Variants in ADK observed in about 807,000 individuals in gnomAD.
The protein encoded by ADK is N6,N6-dimethyladenosine kinase.
A neutral mutation model predicts 44.7 loss-of-function variants in ADK; 24 were observed. The observed-to-expected ratio is 0.54, with a 90% CI of 0.39 to 0.76. The LOEUF (loss-of-function observed/expected upper bound fraction) is 0.76, where lower values mean the gene tolerates loss of function less well. Among genes scored for constraint, ADK ranks in the 30% least tolerant of loss-of-function variants. The pLI is 0.00. For synonymous variants in ADK, 128 were observed against 142.6 expected, an observed-to-expected ratio of 0.90 and a Z score of 0.73; for missense variants, 321 against 425.1, an observed-to-expected ratio of 0.76 and a Z score of 2.15.
rs866712291 is a variant in ADK, at chr10:74,230,944, A to G, written c.194+6353A>G. Reference sequence around the variant, plus strand: ...TGATCCGCCTGCCTCAGCCTCCCAAAGTGCTGGGATTATAGGCGTGAGCCA... The same window carrying G: ...TGATCCGCCTGCCTCAGCCTCCCAAGGTGCTGGGATTATAGGCGTGAGCCA... On this transcript the variant is annotated intron_variant, in intron 3 of 10. Transcript: ENST00000539909. Among the ~76,000 whole-genome samples the G allele has an allele frequency of 8.3e-4, 126 of 152,166 alleles. No homozygotes were observed. In the Middle Eastern group the frequency reaches 0.017, roughly 21 times the overall value.
chr10:74,337,522 T>A (rs1337504980), intron 4 of ADK, among the ~76,000 whole-genome samples: 1 of 152,236 alleles, frequency 6.6e-6, no homozygotes, highest in Non-Finnish European at 1.5e-5. Flanking sequence ...TGACATTATC[T>A]GACTCATGCC....
intron 9 of ADK, among the ~76,000 whole-genome samples, chr10:74,612,450 A>G (rs1375202072): frequency 1.3e-5 from 2 of 152,042 alleles, no homozygotes; most frequent in Admixed American, 6.6e-5. Context: ...GCATTTGTTC[A>G]TGTCCCTTGC....
chr10:74,496,946 A>G (rs990827462), intron 6 of ADK, among the ~76,000 whole-genome samples: 6 of 151,532 alleles, frequency 4.0e-5, no homozygotes, highest in Admixed American at 3.3e-4. Flanking sequence ...TCCAAACAGA[A>G]CCTATTCTGT....
intron 1 of ADK, among the ~76,000 whole-genome samples, chr10:74,180,680 G>A (rs1390825456): frequency 6.6e-6 from 1 of 151,922 alleles, no homozygotes; most frequent in Non-Finnish European, 1.5e-5. Flanking sequence ...GGATGGTCTC[G>A]ATCTCCTGAC....
intron 7 of ADK, among the ~76,000 whole-genome samples, chr10:74,588,135 T>C (rs972749280): frequency 1.3e-5 from 2 of 152,160 alleles, no homozygotes. Flanking sequence ...TGTTAACATT[T>C]TGCCACTTTT....
intron 6 of ADK, among the ~76,000 whole-genome samples, chr10:74,428,014 T>C (rs1472784192): frequency 2.6e-5 from 4 of 152,102 alleles, no homozygotes; most frequent in Non-Finnish European, 5.9e-5. Context: ...TAGCTTCTGG[T>C]GGTTGTGCAT....
intron 6 of ADK, among the ~76,000 whole-genome samples, chr10:74,426,620 G>A (rs1361431286): frequency 1.3e-5 from 2 of 152,158 alleles, no homozygotes; most frequent in African/African-American, 2.4e-5. Context: ...TGAGGTGGAA[G>A]GGATGTGGGA....
At chr10:74,376,178 G>A (rs1056945425) in intron 4 of ADK, among the ~76,000 whole-genome samples, 1 of 151,986 alleles carries the variant, frequency 6.6e-6, no homozygotes, top group Admixed American at 6.6e-5. Context: ...ATACCTGGTA[G>A]TAAACTGCTC....
intron 6 of ADK, among the ~76,000 whole-genome samples, chr10:74,524,987 C>A (rs1848982222): frequency 1.3e-5 from 2 of 152,084 alleles, no homozygotes; most frequent in Admixed American, 1.3e-4. Context: ...AACATTTTTT[C>A]TTTCATGAAT....
At chr10:74,283,668 CTT>C (rs1474283592) in intron 3 of ADK, among the ~76,000 whole-genome samples, 2 of 131,618 alleles carry the variant, frequency 1.5e-5, no homozygotes, top group East Asian at 2.2e-4. Flanking sequence ...GAGTTTCGCT[CTT>C]GTTTTCTTTC....
At chr10:74,623,587 T>C (rs1853076452) in intron 9 of ADK, among the ~76,000 whole-genome samples, 1 of 152,090 alleles carries the variant, frequency 6.6e-6, no homozygotes, top group Admixed American at 6.6e-5. Context: ...TGGTGTAGAA[T>C]TGTGCGTGCA....
chr10:74,424,248 A>C (rs1166096597), intron 6 of ADK, among the ~76,000 whole-genome samples: 1 of 152,168 alleles, frequency 6.6e-6, no homozygotes, highest in Non-Finnish European at 1.5e-5. Context: ...GTCTAAAGAA[A>C]TAAAATATGG....
intron 4 of ADK, among the ~76,000 whole-genome samples, chr10:74,392,085 C>A (rs1305227093): frequency 6.6e-6 from 1 of 152,086 alleles, no homozygotes; most frequent in Non-Finnish European, 1.5e-5. Flanking sequence ...GTTGCTTGTA[C>A]TTCTTGGCTA....
At chr10:74,194,261 A>C (rs916391369) in intron 1 of ADK, among the ~76,000 whole-genome samples, 1 of 152,218 alleles carries the variant, frequency 6.6e-6, no homozygotes, top group African/African-American at 2.4e-5. Context: ...AAGAACAGTA[A>C]GGCATTATGA....
intron 4 of ADK, among the ~76,000 whole-genome samples, chr10:74,340,955 T>C (rs1313824449): frequency 6.6e-6 from 1 of 152,220 alleles, no homozygotes; most frequent in Admixed American, 6.5e-5. Flanking sequence ...TCATAAAATA[T>C]GAAAATACTT....
chr10:74,673,151 T>G (rs1855246343), intron 10 of ADK, among the ~76,000 whole-genome samples: 1 of 152,126 alleles, frequency 6.6e-6, no homozygotes, highest in Admixed American at 6.5e-5. Context: ...AAGGTAAGAT[T>G]GTTGAGGAAA....
chr10:74,466,134 G>T (rs1360794059), intron 6 of ADK, among the ~76,000 whole-genome samples: 1 of 152,010 alleles, frequency 6.6e-6, no homozygotes, highest in African/African-American at 2.4e-5. Flanking sequence ...AAAGTATACT[G>T]TTGCATGTTA....
intron 3 of ADK, among the ~76,000 whole-genome samples, chr10:74,249,590 G>T (rs907990970): frequency 3.9e-5 from 6 of 151,910 alleles, no homozygotes; most frequent in Non-Finnish European, 7.4e-5. Flanking sequence ...AATTACTATA[G>T]GGCTTAAGTA....
At chr10:74,198,023 A>G (rs1843228490) in intron 1 of ADK, among the ~76,000 whole-genome samples, 2 of 152,200 alleles carry the variant, frequency 1.3e-5, no homozygotes, top group Non-Finnish European at 2.9e-5. Flanking sequence ...ATGACTGTAT[A>G]CATTGAACTG....
Sources: allele counts gnomAD v4.1 joint callset (sites outside exome capture counted in the v4.1 genomes callset), GRCh38; gene constraint gnomAD v4.1.1; transcripts MANE v1.5; gene names NCBI Gene and HGNC (gene_info 2026-07-23, HGNC 2026-07-21).